The following TNS2 variants were observed in gnomAD, a reference collection of about 807,000 sequenced individuals.
TNS2 encodes tensin-2.
In TNS2, 77 loss-of-function variants were observed where a neutral mutation model predicts 155.7. The observed-to-expected ratio is 0.49, with a 90% CI of 0.41 to 0.60. TNS2 has a LOEUF of 0.60. Among genes scored for constraint, TNS2 ranks in the 20% least tolerant of loss-of-function variants. The probability of loss-of-function intolerance (pLI) is 0.00; values close to 1 mark genes in which losing one functional copy is unlikely to be tolerated. For missense variants in TNS2, 1,703 were observed against 1,868.8 expected, an observed-to-expected ratio of 0.91 and a Z score of 1.64; for synonymous variants, 726 against 763.9, an observed-to-expected ratio of 0.95 and a Z score of 0.82.
chr12:53,049,210 C>G, upstream of TNS2: 1 of 1,604,408 alleles, frequency 6.2e-7, no homozygotes, highest in Non-Finnish European at 8.5e-7. Flanking sequence ...CCTGGGACAG[C>G]TGCTGAGGAA....
At chr12:53,054,156 C>T in intron 6 of TNS2, 114 bp from the exon 7 acceptor site, 2 of 1,570,992 alleles carry the variant, frequency 1.3e-6, no homozygotes, top group Non-Finnish European at 1.7e-6. Context: ...ACCGATCCAC[C>T]CACCCTCAGG....
intron 7 of TNS2, 108 bp downstream of exon 7, chr12:53,054,549 G>A (rs923262059): frequency 1.8e-6 from 2 of 1,087,648 alleles, no homozygotes; most frequent in African/African-American, 1.6e-5. Flanking sequence ...CAGGGGGCGG[G>A]ACCAGAGTGG....
In TNS2 at chr12:53,060,648, C is replaced by A; in HGVS notation, c.2769-27C>A. 6.3e-7 allele frequency: 1 copy of A among 1,583,368 alleles called. No individual in the cohort carries two copies. Among genetic ancestry groups the A allele is most frequent in the Non-Finnish European group, 8.6e-7 (1 of 1,162,180 alleles). Reference sequence around the variant, plus strand: ...GGGAGCAGCCACAATGGGGGCTCTGCTGACCATCTGCCCTTCCACCCTACA... The same window carrying A: ...GGGAGCAGCCACAATGGGGGCTCTGATGACCATCTGCCCTTCCACCCTACA... On this transcript the variant is annotated intron_variant, in intron 19 of 28. Coordinates refer to ENST00000314250, the MANE Select transcript of TNS2 (RefSeq NM_170754.4). The surrounding 1 kb of genome is among the most constrained non-coding windows in gnomAD (Gnocchi z 6.1).
At chr12:53,053,348 C>T in intron 3 of TNS2, 63 bp from the exon 4 acceptor site, 1 of 1,595,720 alleles carries the variant, frequency 6.3e-7, no homozygotes, top group Non-Finnish European at 8.6e-7. Flanking sequence ...AGGGGCTGCC[C>T]CATCCTCAAG....
Position 53,059,510 on chromosome 12 carries a change from C to A in TNS2, c.1869C>A (p.Tyr623Ter). The A allele has an allele frequency of 6.3e-7, 1 of 1,578,018 alleles. No homozygotes were observed. Among genetic ancestry groups the A allele is most frequent in the Non-Finnish European group, 8.6e-7 (1 of 1,164,966 alleles). ...CCCTGGAGAGGAGGCGACTGGCCTACGGGGGCTATGAGGGATCCCCCCAGG... is the reference window on the plus strand; with the variant it reads ...CCCTGGAGAGGAGGCGACTGGCCTAAGGGGGCTATGAGGGATCCCCCCAGG... Reference protein sequence around the residue: ...EGTLERRRLAYGGYEGSPQGY... With the variant: ...EGTLERRRLA The change falls in exon 18 of 29, where the codon TAC (tyrosine) becomes TAA (stop). Residue 623 changes from tyrosine to a stop codon, truncating the protein, a stop_gained. Coordinates refer to ENST00000314250, the MANE Select transcript of TNS2 (RefSeq NM_170754.4). LOFTEE classifies it high-confidence loss of function. This position sits in a 1 kb window ranked among gnomAD's most constrained non-coding sequence, Gnocchi z 4.7.
At position 53,057,665 on chromosome 12, in the gene TNS2, T is replaced by G. The variant is rs756053242; in HGVS notation, c.944T>G (p.Phe315Cys). The change falls in exon 12 of 29, where the codon TTT becomes TGT. Residue 315 changes from phenylalanine (F) to cysteine (C), a missense_variant. Physicochemically the swap from Phe to Cys is radical, Grantham distance 205. Coordinates refer to ENST00000314250, the MANE Select transcript of TNS2 (RefSeq NM_170754.4). ...HYVLIPMLPA[F>C]EPGTGFQPFL... ...GTGCTCATCCCCATGCTGCCAGCCTTTGAACCTGGCACAGGTGAGTCTGCC... is the reference window on the plus strand; with the variant it reads ...GTGCTCATCCCCATGCTGCCAGCCTGTGAACCTGGCACAGGTGAGTCTGCC... 1 of 1,614,128 alleles carries G rather than the reference T, an allele frequency of 6.2e-7. No individual in the cohort carries two copies. Among genetic ancestry groups the G allele is most frequent in the Non-Finnish European group, 8.5e-7 (1 of 1,179,988 alleles).
intron 7 of TNS2, among the ~76,000 whole-genome samples, 165 bp downstream of exon 7, chr12:53,054,606 A>C (rs1944073121): frequency 6.6e-6 from 1 of 152,214 alleles, no homozygotes; most frequent in Admixed American, 6.5e-5. Flanking sequence ...GGAGCGGAGA[A>C]TCCTGGAACG....
intron 23 of TNS2, 63 bp from the exon 24 acceptor site, chr12:53,062,313 G>C: frequency 5.0e-6 from 8 of 1,612,810 alleles, no homozygotes; most frequent in Non-Finnish European, 6.8e-6. Context: ...GATCTCAGGA[G>C]GATGGAAGGG....
chr12:53,058,794 A>G lies in TNS2; in HGVS notation c.1372A>G (p.Asn458Asp). The change falls in exon 17 of 29, where the codon AAC becomes GAC. Residue 458 changes from asparagine to aspartate, a missense_variant. Transcript: ENST00000314250. ...EPAVRWDSYE[N>D]FNQHHEDSVD... ...AGCCGTGCGCTGGGACTCCTATGAG[A>G]ACTTCAACCAGCACCACGAGGACAG... is the stretch of plus-strand genomic sequence containing the variant. The G allele has an allele frequency of 1.9e-6, 3 of 1,613,760 alleles. No individual in the cohort carries two copies. Among genetic ancestry groups the G allele is most frequent in the Non-Finnish European group, 2.5e-6 (3 of 1,179,968 alleles).
chr12:53,062,497 T>G (rs1346997971), intron 24 of TNS2, 44 bp downstream of exon 24: 2 of 1,610,954 alleles, frequency 1.2e-6, no homozygotes, highest in African/African-American at 2.7e-5. Context: ...CCCTACCCCC[T>G]GCAGCCAAAG....
chr12:53,063,557 C>G lies in TNS2; in HGVS notation c.4062-6C>G. ...TGTGCATCTTCACCTTCTTCTCCTT[C>G]TGCAGATGGACCAACCCAGACGGGA... On this transcript the variant is annotated splice_region_variant and splice_polypyrimidine_tract_variant and intron_variant, in intron 27 of 28. Transcript: ENST00000314250. This position sits in a 1 kb window ranked among gnomAD's most constrained non-coding sequence, Gnocchi z 5.6. 1.2e-6 allele frequency: 2 copies of G among 1,609,184 alleles called. No homozygotes were observed. Among genetic ancestry groups the G allele is most frequent in the Non-Finnish European group, 1.7e-6 (2 of 1,177,708 alleles).
Position 53,059,145 on chromosome 12 carries a change from C to G in TNS2, c.1504C>G (p.Pro502Ala). 2 of 1,596,390 alleles carry G rather than the reference C, an allele frequency of 1.3e-6. No homozygotes were observed. Among genetic ancestry groups the G allele is most frequent in the South Asian group, 2.2e-5 (2 of 89,414 alleles). Reference sequence around the variant, plus strand: ...CCCCCCGGCACCCTCTCCAGAGCCTCCACCACCCCCCATGCTCTCTGTCAG... The same window carrying G: ...CCCCCCGGCACCCTCTCCAGAGCCTGCACCACCCCCCATGCTCTCTGTCAG... ...QTPPAPSPEP[P>A]PPPMLSVSSD... The change falls in exon 18 of 29, where the codon CCA becomes GCA. Residue 502 changes from proline to alanine, a missense_variant. By Grantham distance (27) the Pro-to-Ala change is conservative. Coordinates refer to ENST00000314250, the MANE Select transcript of TNS2 (RefSeq NM_170754.4). The surrounding 1 kb of genome is among the most constrained non-coding windows in gnomAD (Gnocchi z 4.7).
Position 53,063,820 on chromosome 12 carries a change from G to C in TNS2, c.4168G>C (p.Asp1390His). 1.2e-6 allele frequency: 2 copies of C among 1,614,154 alleles called. No individual in the cohort carries two copies. The highest frequency in any genetic ancestry group is 2.2e-5 in the South Asian group (2 of 91,092). Residue 1390 changes from aspartate (D) to histidine (H), a missense_variant, in exon 29 of 29, where the codon GAT becomes CAT. Transcript: ENST00000314250. The surrounding 1 kb of genome is among the most constrained non-coding windows in gnomAD (Gnocchi z 5.6). ...TCACCTCTTTGCAGAGCTTGACCCA[G>C]ATCAGCCTGCTGGCGCCATTGTCAC... is the stretch of plus-strand genomic sequence containing the variant. ...VCHLFAELDP[D>H]QPAGAIVTFI...
rs774075132 is a variant in TNS2 at position 53,060,765 on chromosome 12, C to T, written c.2859C>T (p.Gly953=). Residue 953 remains glycine, a synonymous_variant, in exon 20 of 29, where the codon GGC becomes GGT. Coordinates refer to ENST00000314250, the MANE Select transcript of TNS2 (RefSeq NM_170754.4). The surrounding 1 kb of genome is among the most constrained non-coding windows in gnomAD (Gnocchi z 6.1). Reference sequence around the variant, plus strand: ...CCTTGCCCCCTGTTTCCCAGGCAGGCACCGGAAAGGCCCCTGAGCTGCCGT... The same window carrying T: ...CCTTGCCCCCTGTTTCCCAGGCAGGTACCGGAAAGGCCCCTGAGCTGCCGT... ...GEALPPVSQA[G]TGKAPELPSG... 1.9e-6 allele frequency: 3 copies of T among 1,612,112 alleles called. No homozygotes were observed. In the South Asian group the frequency reaches 3.3e-5, roughly 18 times the overall value.
rs1189980015 is a variant in TNS2, at chr12:53,058,582, C to T, written c.1236C>T (p.Phe412=). The part of the protein sequence containing the change: ...QLDEAWTDER[F]PFQASVEFVF... ...GTCCACTCCCCATAGATGAGAGGTT[C>T]CCCTTCCAAGCCTCCGTGGAGTTTG... The change falls in exon 16 of 29, where the codon TTC becomes TTT. Residue 412 remains phenylalanine (F), a synonymous_variant. Transcript: ENST00000314250. The T allele has an allele frequency of 1.2e-6, 2 of 1,614,122 alleles. No individual in the cohort carries two copies. Among genetic ancestry groups the T allele is most frequent in the East Asian group, 4.5e-5 (2 of 44,880 alleles).
At chr12:53,052,981 G>A (rs971398101) in intron 3 of TNS2, 8 of 308,340 alleles carry the variant, frequency 2.6e-5, no homozygotes, top group African/African-American at 1.5e-4. Context: ...ACCTGAGACA[G>A]CCCTGTCTCT....
chr12:53,053,550 C>A, intron 4 of TNS2, 101 bp downstream of exon 4: 4 of 1,495,268 alleles, frequency 2.7e-6, no homozygotes, highest in Non-Finnish European at 2.8e-6. Context: ...TGACCTTGAA[C>A]GGAGTGCTGT....
chr12:53,051,331 C>G (rs566295662), intron 1 of TNS2, among the ~76,000 whole-genome samples: 2 of 152,214 alleles, frequency 1.3e-5, no homozygotes, highest in African/African-American at 4.8e-5. Context: ...TTGTTCTGAC[C>G]GTGGGGGAGG....
At chr12:53,055,990 A>G in intron 10 of TNS2, 145 bp downstream of exon 10, 1 of 778,234 alleles carries the variant, frequency 1.3e-6, no homozygotes, top group Non-Finnish European at 2.1e-6. Flanking sequence ...TTTTATCACT[A>G]GTACTGCAAC....
Sources: allele counts gnomAD v4.1 joint callset (sites outside exome capture counted in the v4.1 genomes callset), GRCh38; gene constraint gnomAD v4.1.1; non-coding constraint Gnocchi (gnomAD v3.1); transcripts MANE v1.5; gene names NCBI Gene and HGNC (gene_info 2026-07-23, HGNC 2026-07-21).